AHCYL2: variants seen among roughly 807,000 people sequenced by gnomAD.
AHCYL2 encodes adenosylhomocysteinase like 2.
AHCYL2 carries 28 observed loss-of-function variants against 81.4 expected under a neutral mutation model. That is an observed-to-expected ratio of 0.34 (90% CI 0.25 to 0.47). The LOEUF (loss-of-function observed/expected upper bound fraction) is 0.47. AHCYL2 is among the 20% of genes least tolerant of loss of function. The pLI, the probability that AHCYL2 is intolerant of heterozygous loss-of-function variation, is 1.00. For synonymous variants in AHCYL2, 272 were observed against 290.2 expected (o/e 0.94, Z 0.64); for missense variants, 551 against 785.1 (o/e 0.70, Z 3.56).
rs1244470140 is a variant in AHCYL2 at position 129,426,196 on chromosome 7, T to C, written c.1709-247T>C. ...TGTTTCTTTCATCTCTCCTGCACTT[T>C]TCTGGAAGGCAGGGTTCAAAGCTGA... On this transcript the variant is annotated intron_variant, in intron 15 of 16. Coordinates refer to ENST00000325006, the MANE Select transcript of AHCYL2 (RefSeq NM_015328.4). This position sits in a 1 kb window ranked among gnomAD's most constrained non-coding sequence, Gnocchi z 4.3. Among the ~76,000 whole-genome samples, 2 of 152,244 alleles carry C rather than the reference T, an allele frequency of 1.3e-5. No individual in the cohort carries two copies. Among genetic ancestry groups the C allele is most frequent in the African/African-American group, 2.4e-5 (1 of 41,466 alleles).
chr7:129,379,779 G>A (rs747787352), intron 2 of AHCYL2, 30 bp downstream of exon 2: 4 of 1,572,382 alleles, frequency 2.5e-6, no homozygotes, highest in Non-Finnish European at 3.5e-6. Context: ...GGACCCAGCT[G>A]TTGAGGCTAA....
At chr7:129,301,655 A>C (rs1442189339) in intron 1 of AHCYL2, among the ~76,000 whole-genome samples, 1 of 152,248 alleles carries the variant, frequency 6.6e-6, no homozygotes, top group African/African-American at 2.4e-5. Flanking sequence ...ATGTTTGTCA[A>C]AAATGAGTTC....
chr7:129,276,688 G>A (rs1197637212), intron 1 of AHCYL2, among the ~76,000 whole-genome samples: 1 of 144,058 alleles, frequency 6.9e-6, no homozygotes, highest in South Asian at 2.2e-4. Flanking sequence ...GGCAGAGGTT[G>A]CAGTAAGTTG....
chr7:129,229,614 C>A (rs965046158), intron 1 of AHCYL2, among the ~76,000 whole-genome samples: 3 of 152,178 alleles, frequency 2.0e-5, no homozygotes, highest in African/African-American at 7.2e-5. Flanking sequence ...TGCTTTCTCC[C>A]AGAGGTCTTT....
chr7:129,390,548 A>G (rs369385114), intron 4 of AHCYL2, among the ~76,000 whole-genome samples: 48 of 152,340 alleles, frequency 3.2e-4, no homozygotes, highest in African/African-American at 1.1e-3. Flanking sequence ...TACATAGCAG[A>G]AAGTCCAAAG....
chr7:129,412,768 T>G (rs1027730533), intron 11 of AHCYL2, among the ~76,000 whole-genome samples: 1 of 152,224 alleles, frequency 6.6e-6, no homozygotes, highest in Non-Finnish European at 1.5e-5. Flanking sequence ...TGACTAATGA[T>G]GATGAGCATC....
At chr7:129,369,316 C>T (rs1794261489) in intron 1 of AHCYL2, among the ~76,000 whole-genome samples, 1 of 152,080 alleles carries the variant, frequency 6.6e-6, no homozygotes, top group Non-Finnish European at 1.5e-5. Flanking sequence ...ATTTGTGTTT[C>T]CCCACTATGG....
At chr7:129,226,786 G>A (rs899252977) in intron 1 of AHCYL2, among the ~76,000 whole-genome samples, 3 of 152,144 alleles carry the variant, frequency 2.0e-5, no homozygotes, top group African/African-American at 4.8e-5. Context: ...GTAGAAAGAG[G>A]CAGCATCCTG....
intron 1 of AHCYL2, among the ~76,000 whole-genome samples, chr7:129,228,384 G>A (rs1794301813): frequency 6.6e-6 from 1 of 152,220 alleles, no homozygotes. Context: ...CATATGGTGT[G>A]CAGGTTACTC....
chr7:129,235,776 A>G (rs1031716660), intron 1 of AHCYL2, among the ~76,000 whole-genome samples: 5 of 152,164 alleles, frequency 3.3e-5, no homozygotes, highest in Non-Finnish European at 7.3e-5. Context: ...CACATCTTAG[A>G]GCTCTTTCTG....
chr7:129,268,353 G>GT (rs1284599293), intron 1 of AHCYL2, among the ~76,000 whole-genome samples: 4 of 151,742 alleles, frequency 2.6e-5, no homozygotes, highest in South Asian at 2.1e-4. Context: ...TTTTGTTTTT[G>GT]TTTTTGTTTT....
Position 129,406,538 on chromosome 7 carries a change from A to G in AHCYL2, c.1295+72A>G, listed in dbSNP as rs1342413595. On this transcript the variant is annotated intron_variant, in intron 10 of 16. Transcript: ENST00000325006. This position sits in a 1 kb window ranked among gnomAD's most constrained non-coding sequence, Gnocchi z 4.3. ...CAAAGAATGGCCTGGTTGATGCCAC[A>G]CTTTATTTTAGAGGAGCCCAGATCC... 84 of 1,441,670 alleles carry G rather than the reference A, an allele frequency of 5.8e-5. No homozygotes were observed. The highest frequency in any genetic ancestry group is 8.2e-5 in the Non-Finnish European group (84 of 1,023,836). 89.3% of individuals were successfully genotyped at this position (1,441,670 alleles called of 1,614,324 possible). A position where few individuals can be genotyped will look rare whatever the true frequency, so the allele number is the denominator to read the frequency against.
chr7:129,398,509 G>A (rs1795857346), intron 5 of AHCYL2, among the ~76,000 whole-genome samples: 1 of 151,732 alleles, frequency 6.6e-6, no homozygotes, highest in South Asian at 2.1e-4. Context: ...CTCCTGAGTA[G>A]CTGGGATTAC....
At chr7:129,246,601 G>C (rs996500748) in intron 1 of AHCYL2, among the ~76,000 whole-genome samples, 1 of 151,998 alleles carries the variant, frequency 6.6e-6, no homozygotes, top group Non-Finnish European at 1.5e-5. Flanking sequence ...ACGCTCAATC[G>C]ATCTTCTCAT....
intron 1 of AHCYL2, among the ~76,000 whole-genome samples, chr7:129,300,599 A>G (rs996399358): frequency 1.3e-5 from 2 of 152,210 alleles, no homozygotes; most frequent in Non-Finnish European, 2.9e-5. Flanking sequence ...CAGTGCTACA[A>G]CAAACATGGG....
chr7:129,235,950 G>A (rs918959217), intron 1 of AHCYL2, among the ~76,000 whole-genome samples: 1 of 149,808 alleles, frequency 6.7e-6, no homozygotes, highest in Non-Finnish European at 1.5e-5. Flanking sequence ...ATGCATTTTT[G>A]TGTGTGTACA....
intron 11 of AHCYL2, chr7:129,410,231 G>A: frequency 6.2e-7 from 1 of 1,613,716 alleles, no homozygotes; most frequent in South Asian, 1.1e-5. Flanking sequence ...AAGCCCAATG[G>A]CTCCTTCTCC....
intron 1 of AHCYL2, among the ~76,000 whole-genome samples, chr7:129,256,296 A>G (rs1238243488): frequency 1.3e-5 from 2 of 152,210 alleles, no homozygotes; most frequent in South Asian, 2.1e-4. Context: ...ATATAAAAAG[A>G]TTATGTATCA....
At chr7:129,240,792 C>T (rs1023047033) in intron 1 of AHCYL2, among the ~76,000 whole-genome samples, 1 of 151,984 alleles carries the variant, frequency 6.6e-6, no homozygotes, top group African/African-American at 2.4e-5. Flanking sequence ...AACACTGTGC[C>T]CATGTGGAGG....
Sources: gnomAD v4.1 joint callset for allele counts (sites outside exome capture counted in the v4.1 genomes callset) on GRCh38, gnomAD v4.1.1 for gene constraint, Gnocchi (gnomAD v3.1) non-coding constraint, MANE v1.5 for transcripts, NCBI Gene and HGNC (gene_info 2026-07-23, HGNC 2026-07-21) for gene names.